The following ESR1 variants were observed in gnomAD, a reference collection of about 807,000 sequenced individuals.
ESR1 encodes the protein estrogen receptor 1.
ESR1 carries 12 observed loss-of-function variants against 52.7 expected under a neutral mutation model. The ratio of observed to expected loss-of-function variants is 0.23; its 90% confidence interval spans 0.15 to 0.37. ESR1 has a LOEUF of 0.37. Ranked by LOEUF, ESR1 falls within the 10% of genes least tolerant of loss-of-function variation. ESR1 has a pLI of 1.00. For synonymous variants in ESR1, 305 were observed against 316.8 expected (o/e 0.96, Z 0.39); for missense variants, 584 against 779.7 (o/e 0.75, Z 2.99).
chr6:151,977,273 T>C (rs1395475794), intron 4 of ESR1, among the ~76,000 whole-genome samples: 1 of 151,910 alleles, frequency 6.6e-6, no homozygotes, highest in Non-Finnish European at 1.5e-5. Flanking sequence ...GTGGTGACAT[T>C]GGGGTGACCG....
intron 2 of ESR1, among the ~76,000 whole-genome samples, chr6:151,724,275 C>A (rs1226362214): frequency 6.6e-6 from 1 of 152,106 alleles, no homozygotes; most frequent in East Asian, 1.9e-4. Context: ...GGGTAAATGA[C>A]TCCCTGAAAA....
intron 5 of ESR1, among the ~76,000 whole-genome samples, chr6:152,027,348 C>T (rs2128846741): frequency 6.6e-6 from 1 of 152,262 alleles, no homozygotes; most frequent in African/African-American, 2.4e-5. Flanking sequence ...GCCCCAACCC[C>T]ATTTTTTGAT....
At chr6:151,775,638 C>T (rs1037527573) in intron 2 of ESR1, among the ~76,000 whole-genome samples, 1 of 151,182 alleles carries the variant, frequency 6.6e-6, no homozygotes, top group Non-Finnish European at 1.5e-5. Flanking sequence ...CCCAGCTACT[C>T]GGGAGGCTGA....
chr6:151,660,432 C>T (rs1777599835), intron 1 of ESR1, among the ~76,000 whole-genome samples: 2 of 152,140 alleles, frequency 1.3e-5, no homozygotes, highest in Non-Finnish European at 2.9e-5. Context: ...AACTATTGGC[C>T]CTTTCAAACC....
chr6:151,772,244 G>A (rs1009052149), intron 2 of ESR1, among the ~76,000 whole-genome samples: 1 of 152,182 alleles, frequency 6.6e-6, no homozygotes, highest in African/African-American at 2.4e-5. Context: ...AGGGGTCTCA[G>A]TTGTCCTGGG....
At chr6:152,033,044 G>T (rs1470699327) in intron 5 of ESR1, among the ~76,000 whole-genome samples, 3 of 152,264 alleles carry the variant, frequency 2.0e-5, no homozygotes, top group African/African-American at 7.2e-5. Context: ...ATGGGGAAAG[G>T]ATTCCCTATT....
intron 6 of ESR1, among the ~76,000 whole-genome samples, chr6:152,120,161 A>G (rs1252531831): frequency 6.6e-6 from 1 of 152,198 alleles, no homozygotes; most frequent in Admixed American, 6.5e-5. Flanking sequence ...ATGCTTCTGA[A>G]GTCTCTTTGC....
At chr6:152,057,245 C>T (rs1306463146) in intron 5 of ESR1, among the ~76,000 whole-genome samples, 3 of 152,080 alleles carry the variant, frequency 2.0e-5, no homozygotes, top group Non-Finnish European at 4.4e-5. Flanking sequence ...CGTGGCAAGC[C>T]TTTTCACCTT....
intron 1 of ESR1, among the ~76,000 whole-genome samples, chr6:151,831,111 T>C (rs1232048859): frequency 1.3e-5 from 2 of 151,954 alleles, no homozygotes; most frequent in Non-Finnish European, 2.9e-5. Flanking sequence ...TTGCTGTCCT[T>C]ACAATAAATA....
Position 151,956,767 on chromosome 6 carries a change from G to T in ESR1, c.1096+12259G>T, listed in dbSNP as rs540109335. Among the ~76,000 whole-genome samples, 17 of 146,750 alleles carry T rather than the reference G, an allele frequency of 1.2e-4. 1 individual carries two copies. In the South Asian group the frequency reaches 3.2e-3, roughly 27 times the overall value. On this transcript the variant is annotated intron_variant, in intron 4 of 7. Transcript: ENST00000206249. ...CCCTTCTCCTTTCTCTCTCTTCCAT[G>T]TGACAAATACATGTCTGTATACATA...
chr6:152,013,351 C>T (rs1562670091), intron 5 of ESR1, among the ~76,000 whole-genome samples: 1 of 152,088 alleles, frequency 6.6e-6, no homozygotes, highest in Non-Finnish European at 1.5e-5. Context: ...TAACATTTCC[C>T]TGCCTACTGC....
intron 2 of ESR1, among the ~76,000 whole-genome samples, chr6:151,751,824 T>TA (rs1232801359): frequency 6.6e-6 from 1 of 152,228 alleles, no homozygotes; most frequent in Admixed American, 6.5e-5. Flanking sequence ...AGATCATTAT[T>TA]AATGTGCTAA....
chr6:151,703,632 G>C (rs980534629), intron 2 of ESR1, among the ~76,000 whole-genome samples: 2 of 152,172 alleles, frequency 1.3e-5, no homozygotes, highest in Non-Finnish European at 2.9e-5. Flanking sequence ...AGCAGGGAGA[G>C]ATAATGAAGG....
chr6:151,961,230 G>A (rs2037621934), intron 4 of ESR1, among the ~76,000 whole-genome samples: 1 of 152,046 alleles, frequency 6.6e-6, no homozygotes, highest in African/African-American at 2.4e-5. Context: ...TTGAGCCTTG[G>A]GACAGTCAGA....
exon 7 of ESR1, chr6:152,125,520 G>A: frequency 2.1e-6 from 2 of 945,152 alleles, no homozygotes; most frequent in South Asian, 2.4e-5. Context: ...AGTGTCTTAA[G>A]AAGGATAGGA....
chr6:151,729,795 G>A (rs1271960853), intron 2 of ESR1, among the ~76,000 whole-genome samples: 1 of 152,116 alleles, frequency 6.6e-6, no homozygotes, highest in African/African-American at 2.4e-5. Flanking sequence ...TAGTCAGGAG[G>A]AATTAAGAGA....
intron 2 of ESR1, among the ~76,000 whole-genome samples, chr6:151,865,980 G>C (rs1472169972): frequency 6.6e-6 from 1 of 152,236 alleles, no homozygotes; most frequent in Non-Finnish European, 1.5e-5. Context: ...TGCCAGCGCA[G>C]TATGACCATT....
chr6:151,868,846 G>A (rs1229327669), intron 2 of ESR1, among the ~76,000 whole-genome samples: 5 of 152,084 alleles, frequency 3.3e-5, no homozygotes, highest in South Asian at 2.1e-4. Flanking sequence ...CTTCTCCTAC[G>A]AAGTTAATTT....
intron 1 of ESR1, chr6:151,811,087 A>G (rs890474347): frequency 6.6e-6 from 1 of 152,242 alleles, no homozygotes; most frequent in African/African-American, 2.4e-5. Flanking sequence ...CACGTCATTT[A>G]GCATTGAGAT....
Sources: gnomAD v4.1 joint callset for allele counts (sites outside exome capture counted in the v4.1 genomes callset) on GRCh38, gnomAD v4.1.1 for gene constraint, MANE v1.5 for transcripts, NCBI Gene and HGNC (gene_info 2026-07-23, HGNC 2026-07-21) for gene names.